The following IPO13 variants were observed in gnomAD, a reference collection of about 807,000 sequenced individuals.
IPO13 encodes the protein importin-13.
A neutral mutation model predicts 115.5 loss-of-function variants in IPO13; 28 were observed. That is an observed-to-expected ratio of 0.24 (90% CI 0.18 to 0.33). The LOEUF (loss-of-function observed/expected upper bound fraction) is 0.33. Among genes scored for constraint, IPO13 ranks in the 10% least tolerant of loss-of-function variants. The pLI, the probability that IPO13 is intolerant of heterozygous loss-of-function variation, is 1.00. For synonymous variants in IPO13, 414 were observed against 478.9 expected (o/e 0.86, Z 1.77); for missense variants, 785 against 1,204.6 (o/e 0.65, Z 5.16).
chr1:43,958,613 G>T lies in IPO13; in HGVS notation c.1884+18G>T, dbSNP rs752457398. 1.9e-6 allele frequency: 3 copies of T among 1,613,878 alleles called. No homozygotes were observed. Among genetic ancestry groups the T allele is most frequent in the East Asian group, 2.2e-5 (1 of 44,896 alleles). On this transcript the variant is annotated intron_variant, in intron 10 of 19. Coordinates refer to ENST00000372343, the MANE Select transcript of IPO13 (RefSeq NM_014652.4). The surrounding 1 kb of genome is among the most constrained non-coding windows in gnomAD (Gnocchi z 6.3). ...AGGAGATAGTGAGTGAGCTCTGGGG[G>T]CCAGGGAGCGGTACTGAGATGCTGT... is the stretch of plus-strand genomic sequence containing the variant.
intron 12 of IPO13, 26 bp from the exon 13 acceptor site, chr1:43,960,850 C>T: frequency 6.2e-7 from 1 of 1,613,214 alleles, no homozygotes; most frequent in Non-Finnish European, 8.5e-7. Flanking sequence ...ACCTGCTGAC[C>T]AGGGCCCCTT....
At position 43,966,601 on chromosome 1, in the gene IPO13, C is replaced by G; in HGVS notation, c.2424C>G (p.Phe808Leu). ...CTCTGAAGCGGAAGCCAGATTTGTT[C>G]CTGTGTGAACGATTGGATGTCAAAG... is the stretch of plus-strand genomic sequence containing the variant. ...AQALKRKPDL[F>L]LCERLDVKAV... is the part of the protein sequence containing the mutation. Residue 808 changes from phenylalanine to leucine, a missense_variant, in exon 16 of 20, where the codon TTC (phenylalanine) becomes TTG (leucine). By Grantham distance (22) the Phe-to-Leu change is conservative. Transcript: ENST00000372343. The surrounding 1 kb of genome is among the most constrained non-coding windows in gnomAD (Gnocchi z 4.1). 1 of 1,614,110 alleles carries G rather than the reference C, an allele frequency of 6.2e-7. No individual in the cohort carries two copies. Among genetic ancestry groups the G allele is most frequent in the Non-Finnish European group, 8.5e-7 (1 of 1,180,010 alleles).
chr1:43,960,463 A>T, intron 12 of IPO13, 134 bp downstream of exon 12: 2 of 801,872 alleles, frequency 2.5e-6, no homozygotes, highest in Non-Finnish European at 4.2e-6. Flanking sequence ...CATAGAGATA[A>T]GGAATCTTTT....
rs1200700229 is a variant in IPO13, at chr1:43,958,295, T to C, written c.1749+27T>C. 1 of 1,613,876 alleles carries C rather than the reference T, an allele frequency of 6.2e-7. No homozygotes were observed. The highest frequency in any genetic ancestry group is 8.5e-7 in the Non-Finnish European group (1 of 1,179,762). On this transcript the variant is annotated intron_variant, in intron 9 of 19. Coordinates refer to ENST00000372343, the MANE Select transcript of IPO13 (RefSeq NM_014652.4). This position sits in a 1 kb window ranked among gnomAD's most constrained non-coding sequence, Gnocchi z 6.3. Reference sequence around the variant, plus strand: ...TGCGGCTCAAAAGTTTCTAGGGGTCTCCTTGGAGGTCTTGTGGGAATCACT... The same window carrying C: ...TGCGGCTCAAAAGTTTCTAGGGGTCCCCTTGGAGGTCTTGTGGGAATCACT...
Position 43,956,150 on chromosome 1 carries a change from C to A in IPO13, c.822-170C>A, listed in dbSNP as rs886577047. ...GGGGTCCCTGATCTAAGGTTCTTCC[C>A]AACATTGGGAACATCAAATCTGCCA... On this transcript the variant is annotated intron_variant, in intron 2 of 19. Transcript: ENST00000372343. This position sits in a 1 kb window ranked among gnomAD's most constrained non-coding sequence, Gnocchi z 4.7. 1.3e-5 allele frequency among the ~76,000 whole-genome samples: 2 copies of A among 152,120 alleles called. No individual in the cohort carries two copies. The highest frequency in any genetic ancestry group is 2.9e-5 in the Non-Finnish European group (2 of 68,036).
intron 14 of IPO13, among the ~76,000 whole-genome samples, chr1:43,962,772 C>T (rs2085298730): frequency 6.6e-6 from 1 of 152,232 alleles, no homozygotes; most frequent in Non-Finnish European, 1.5e-5. Flanking sequence ...ACTGAAACTG[C>T]ATCCCATACA....
chr1:43,951,736 C>T (rs2085210609), intron 2 of IPO13, among the ~76,000 whole-genome samples: 1 of 152,096 alleles, frequency 6.6e-6, no homozygotes, highest in Admixed American at 6.5e-5. Flanking sequence ...AGAGATGGGG[C>T]TTTGGGACCT....
chr1:43,956,923 T>TG lies in IPO13; in HGVS notation c.1219dup (p.Glu407GlyfsTer30). On this transcript the variant is annotated frameshift_variant, in exon 5 of 20. Transcript: ENST00000372343. LOFTEE classifies it high-confidence loss of function. This position sits in a 1 kb window ranked among gnomAD's most constrained non-coding sequence, Gnocchi z 4.7. ...TGCACAAGGCCCAGTTCCCTTCTGA[T>TG]GAGGAATATGGATTCTGGTCCTCAG... The TG allele has an allele frequency of 6.2e-7, 1 of 1,614,248 alleles. No homozygotes were observed. The highest frequency in any genetic ancestry group is 8.5e-7 in the Non-Finnish European group (1 of 1,180,048).
chr1:43,961,532 G>A (rs2085290545), intron 14 of IPO13, among the ~76,000 whole-genome samples: 1 of 152,148 alleles, frequency 6.6e-6, no homozygotes, highest in Non-Finnish European at 1.5e-5. Flanking sequence ...TGGGAGGTGG[G>A]CAGAGGCTCT....
At chr1:43,955,138 G>A (rs1456216955) in intron 2 of IPO13, among the ~76,000 whole-genome samples, 1 of 152,184 alleles carries the variant, frequency 6.6e-6, no homozygotes, top group Non-Finnish European at 1.5e-5. Context: ...CTCTCTCTGA[G>A]TTCATTGTCT....
chr1:43,964,942 A>G (rs142097761), intron 15 of IPO13, among the ~76,000 whole-genome samples: 114 of 152,264 alleles, frequency 7.5e-4, no homozygotes, highest in African/African-American at 2.6e-3. Flanking sequence ...GGGAACAGAA[A>G]TCACCTGTAA....
In IPO13 at chr1:43,956,994, AC is replaced by A. The variant is rs2085255345; in HGVS notation, c.1271+19del. ...ATTTACAGGTGATGGTAGCAGGCCA[AC>A]TCCTCTAAAATGGAGTCCAGAAATA... On this transcript the variant is annotated intron_variant, in intron 5 of 19. Transcript: ENST00000372343. The surrounding 1 kb of genome is among the most constrained non-coding windows in gnomAD (Gnocchi z 4.7). 1 of 1,612,046 alleles carries A rather than the reference AC, an allele frequency of 6.2e-7. No individual in the cohort carries two copies. Among genetic ancestry groups the A allele is most frequent in the African/African-American group, 1.3e-5 (1 of 74,810 alleles).
chr1:43,961,084 G>T, intron 13 of IPO13, 71 bp downstream of exon 13: 1 of 1,609,264 alleles, frequency 6.2e-7, no homozygotes, highest in Non-Finnish European at 8.5e-7. Context: ...CGTGGCTGGG[G>T]TCCCCACTTG....
Position 43,956,521 on chromosome 1 carries a change from A to C in IPO13, c.963-39A>C. 2 of 1,614,070 alleles carry C rather than the reference A, an allele frequency of 1.2e-6. No individual in the cohort carries two copies. The highest frequency in any genetic ancestry group is 2.2e-5 in the South Asian group (2 of 91,082). On this transcript the variant is annotated intron_variant, in intron 3 of 19. Transcript: ENST00000372343. The surrounding 1 kb of genome is among the most constrained non-coding windows in gnomAD (Gnocchi z 4.7). The stretch of plus-strand genomic sequence containing the variant: ...GCCCTCTAAGAAATGGGGTTCTGGA[A>C]GTCCCTGGAAAGGTAGAATGACCTG...
chr1:43,960,376 G>T, intron 12 of IPO13, 47 bp downstream of exon 12: 1 of 1,527,438 alleles, frequency 6.5e-7, no homozygotes, highest in Non-Finnish European at 9.1e-7. Context: ...CTGCTCAGAG[G>T]TGTAGCAGGG....
intron 2 of IPO13, among the ~76,000 whole-genome samples, chr1:43,953,777 G>A (rs2085225015): frequency 6.6e-6 from 1 of 152,216 alleles, no homozygotes. Context: ...AGTTGGGGAT[G>A]GAGGGAAAGT....
intron 2 of IPO13, among the ~76,000 whole-genome samples, chr1:43,954,947 G>A (rs2085233990): frequency 6.6e-6 from 1 of 152,168 alleles, no homozygotes; most frequent in Admixed American, 6.5e-5. Flanking sequence ...GTCTAAGACT[G>A]AGCTTATCAC....
intron 12 of IPO13, 42 bp downstream of exon 12, chr1:43,960,371 C>A: frequency 6.5e-7 from 1 of 1,550,374 alleles, no homozygotes; most frequent in Non-Finnish European, 8.9e-7. Flanking sequence ...AGTGACTGCT[C>A]AGAGGTGTAG....
chr1:43,961,008 C>G lies in IPO13; in HGVS notation c.2242C>G (p.Arg748Gly), dbSNP rs1349716685. ...IPQASALDLT[R>G]QLVHIFAHEP... Reference sequence around the variant, plus strand: ...CCAGGCCTCTGCTCTTGACCTCACTCGACAGGTGGGCCTTCTGGTTGGGGC... The same window carrying G: ...CCAGGCCTCTGCTCTTGACCTCACTGGACAGGTGGGCCTTCTGGTTGGGGC... Residue 748 changes from arginine (R) to glycine (G), a missense_variant, in exon 13 of 20, where the codon CGA (arginine) becomes GGA (glycine). Physicochemically the swap from Arg to Gly is moderately radical, Grantham distance 125. Transcript: ENST00000372343. 1.2e-6 allele frequency: 2 copies of G among 1,614,104 alleles called. No individual in the cohort carries two copies. The highest frequency in any genetic ancestry group is 8.5e-7 in the Non-Finnish European group (1 of 1,179,962).
Sources: gnomAD v4.1 joint callset for allele counts (sites outside exome capture counted in the v4.1 genomes callset) on GRCh38, gnomAD v4.1.1 for gene constraint, Gnocchi (gnomAD v3.1) non-coding constraint, MANE v1.5 for transcripts, NCBI Gene and HGNC (gene_info 2026-07-23, HGNC 2026-07-21) for gene names.